CDH20: variants seen among roughly 807,000 people sequenced by gnomAD.
CDH20 encodes the protein cadherin 20, also known as cadherin-20.
In CDH20, 29 loss-of-function variants were observed where a neutral mutation model predicts 74.2. That is an observed-to-expected ratio of 0.39 (90% CI 0.29 to 0.53). CDH20 has a LOEUF of 0.53. CDH20 is among the 20% of genes least tolerant of loss of function. CDH20 has a pLI of 0.69. For synonymous variants in CDH20, 469 were observed against 405.4 expected, an observed-to-expected ratio of 1.16 and a Z score of -1.88; for missense variants, 988 against 1,048.3, an observed-to-expected ratio of 0.94 and a Z score of 0.79.
At chr18:61,532,212 T>C (rs909116168) in intron 7 of CDH20, among the ~76,000 whole-genome samples, 1 of 152,152 alleles carries the variant, frequency 6.6e-6, no homozygotes, top group African/African-American at 2.4e-5. Flanking sequence ...TGTGCCTACC[T>C]CATGGTGTTA....
intron 1 of CDH20, among the ~76,000 whole-genome samples, chr18:61,362,817 C>G (rs1375381369): frequency 6.6e-6 from 1 of 151,998 alleles, no homozygotes; most frequent in African/African-American, 2.4e-5. Flanking sequence ...CAAAATTACC[C>G]ATATGCTTGA....
At chr18:61,503,564 C>T (rs1911460755) in intron 5 of CDH20, among the ~76,000 whole-genome samples, 1 of 152,192 alleles carries the variant, frequency 6.6e-6, no homozygotes, top group Non-Finnish European at 1.5e-5. Flanking sequence ...ATACCCAAAG[C>T]TGTAGATGGA....
chr18:61,394,501 A>G (rs1331118707), intron 1 of CDH20, among the ~76,000 whole-genome samples: 1 of 152,164 alleles, frequency 6.6e-6, no homozygotes, highest in Non-Finnish European at 1.5e-5. Context: ...CTACACCCCA[A>G]GGCATGCCAG....
intron 4 of CDH20, among the ~76,000 whole-genome samples, chr18:61,501,801 G>A (rs923136453): frequency 6.6e-6 from 1 of 152,092 alleles, no homozygotes; most frequent in African/African-American, 2.4e-5. Context: ...GAGGAAGGGT[G>A]CCCACAGGGA....
At chr18:61,509,633 G>A (rs906662649) in intron 6 of CDH20, among the ~76,000 whole-genome samples, 18 of 152,146 alleles carry the variant, frequency 1.2e-4, no homozygotes, top group African/African-American at 3.6e-4. Context: ...GAGTAAAGTG[G>A]GAAATGACTG....
intron 9 of CDH20, 46 bp downstream of exon 9, chr18:61,539,191 T>C (rs754626593): frequency 5.6e-6 from 9 of 1,595,208 alleles, no homozygotes; most frequent in Admixed American, 1.8e-5. Context: ...CCCTAACTTC[T>C]GGAAACAATT....
rs553388015 is a variant in CDH20 at position 61,489,059 on chromosome 18, C to T, written c.-152-1343C>T. Among the ~76,000 whole-genome samples the T allele has an allele frequency of 1.2e-4, 18 of 152,330 alleles. No homozygotes were observed. The East Asian group carries it at 3.5e-3, about 29-fold the overall frequency. On this transcript the variant is annotated intron_variant, in intron 1 of 11. Coordinates refer to ENST00000262717, the MANE Select transcript of CDH20 (RefSeq NM_031891.4). Reference sequence around the variant, plus strand: ...ACTCAATCTGCCTTCAGAGCTGGAGCTCATAAGAGGCACAGCCTCCCATTC... The same window carrying T: ...ACTCAATCTGCCTTCAGAGCTGGAGTTCATAAGAGGCACAGCCTCCCATTC...
At position 61,473,835 on chromosome 18, in the gene CDH20, T is replaced by G. The variant is rs1433740168; in HGVS notation, c.-152-16567T>G. Among the ~76,000 whole-genome samples, 4 of 152,350 alleles carry G rather than the reference T, an allele frequency of 2.6e-5. No individual in the cohort carries two copies. In the East Asian group the frequency reaches 7.7e-4, roughly 29 times the overall value. On this transcript the variant is annotated intron_variant, in intron 1 of 11. Transcript: ENST00000262717. The stretch of plus-strand genomic sequence containing the variant: ...ATCAATCAGCAGGTCATAAAAAATA[T>G]CTTTTTAACTGATACTTTATAGCCA...
Position 61,554,621 on chromosome 18 carries a change from A to C in CDH20, c.2332A>C (p.Thr778Pro), listed in dbSNP as rs776024171. Residue 778 changes from threonine (T) to proline (P), a missense_variant, in exon 12 of 12, where the codon ACG becomes CCG. By Grantham distance (38) the Thr-to-Pro change is conservative (BLOSUM62 -1). Coordinates refer to ENST00000262717, the MANE Select transcript of CDH20 (RefSeq NM_031891.4). ...CTCGGAACAGAGCTTCGACTTCCTG[A>C]CGGACTGGGGGCCCCGCTTCCGGAA... is the stretch of plus-strand genomic sequence containing the variant. ...SDSEQSFDFL[T>P]DWGPRFRKLA... is the part of the protein sequence containing the mutation. The C allele has an allele frequency of 1.9e-6, 3 of 1,606,394 alleles. No homozygotes were observed. The East Asian group carries it at 6.7e-5, about 36-fold the overall frequency.
intron 1 of CDH20, among the ~76,000 whole-genome samples, chr18:61,488,051 G>T (rs1910827151): frequency 6.8e-6 from 1 of 148,024 alleles, no homozygotes; most frequent in African/African-American, 2.5e-5. Context: ...AAGACATTAA[G>T]GGGAATACAC....
intron 11 of CDH20, among the ~76,000 whole-genome samples, chr18:61,550,694 G>T (rs537435805): frequency 2.9e-3 from 437 of 152,304 alleles, no homozygotes; most frequent in African/African-American, 0.01. Flanking sequence ...TGAAATGCAG[G>T]CAGGCTATAT....
At chr18:61,360,015 T>A (rs1451006526) in intron 1 of CDH20, among the ~76,000 whole-genome samples, 1 of 152,176 alleles carries the variant, frequency 6.6e-6, no homozygotes. Context: ...TAAGTGTGTA[T>A]GAGAATCACC....
chr18:61,525,042 C>A (rs908350845), intron 6 of CDH20, among the ~76,000 whole-genome samples: 1 of 142,560 alleles, frequency 7.0e-6, no homozygotes, highest in African/African-American at 2.6e-5. Flanking sequence ...ATATGACATT[C>A]TTGCAATAGA....
intron 1 of CDH20, among the ~76,000 whole-genome samples, chr18:61,340,482 G>A (rs553435523): frequency 6.6e-6 from 1 of 152,122 alleles, no homozygotes; most frequent in African/African-American, 2.4e-5. Context: ...TCTTTAGCTG[G>A]TATCTTTGGA....
chr18:61,335,689 G>A (rs576922848), intron 1 of CDH20, among the ~76,000 whole-genome samples: 7 of 152,150 alleles, frequency 4.6e-5, no homozygotes, highest in Non-Finnish European at 1.0e-4. Context: ...GACAGTTGTC[G>A]TGAGATGATC....
intron 1 of CDH20, among the ~76,000 whole-genome samples, chr18:61,469,467 G>A (rs1265389726): frequency 1.3e-5 from 2 of 151,834 alleles, no homozygotes; most frequent in Middle Eastern, 3.2e-3. Flanking sequence ...AGGTGATCTG[G>A]CTGCTTCAGC....
At chr18:61,417,568 A>C (rs1364117479) in intron 1 of CDH20, among the ~76,000 whole-genome samples, 1 of 115,068 alleles carries the variant, frequency 8.7e-6, no homozygotes, top group Non-Finnish European at 1.8e-5. Context: ...TCTTACTCAG[A>C]TGTGGGAGCT....
chr18:61,522,471 G>A (rs933043578), intron 6 of CDH20, among the ~76,000 whole-genome samples: 1 of 152,162 alleles, frequency 6.6e-6, no homozygotes, highest in African/African-American at 2.4e-5. Flanking sequence ...ACGCAATATC[G>A]TGAAAATGGC....
rs766283675 is a variant in CDH20 at position 61,503,010 on chromosome 18, T to G, written c.719T>G (p.Val240Gly). The G allele has an allele frequency of 1.2e-6, 2 of 1,613,832 alleles. No individual in the cohort carries two copies. Among genetic ancestry groups the G allele is most frequent in the Non-Finnish European group, 1.7e-6 (2 of 1,179,900 alleles). ...MDREAKEYYE[V>G]IIQAKDMGGQ... is the part of the protein sequence containing the mutation. The stretch of plus-strand genomic sequence containing the variant: ...AGAGAAGCCAAAGAATACTACGAAG[T>G]GATTATCCAAGCCAAGGACATGGGA... The change falls in exon 5 of 12, where the codon GTG (valine) becomes GGG (glycine). Residue 240 changes from valine to glycine, a missense_variant. Val to Gly is a moderately radical substitution (Grantham distance 109, BLOSUM62 -3). Transcript: ENST00000262717.
Sources: allele counts gnomAD v4.1 joint callset (sites outside exome capture counted in the v4.1 genomes callset), GRCh38; gene constraint gnomAD v4.1.1; transcripts MANE v1.5; gene names NCBI Gene and HGNC (gene_info 2026-07-23, HGNC 2026-07-21).